Variants in EPB41 observed in about 807,000 individuals in gnomAD.
The protein encoded by EPB41 is protein 4.1.
EPB41 carries 65 observed loss-of-function variants against 108.0 expected under a neutral mutation model. That is an observed-to-expected ratio of 0.60 (90% CI 0.49 to 0.74). The LOEUF (loss-of-function observed/expected upper bound fraction) is 0.74, where lower values mean the gene tolerates loss of function less well. Among genes scored for constraint, EPB41 ranks in the 30% least tolerant of loss-of-function variants. The pLI is 0.00. For synonymous variants in EPB41, 336 were observed against 358.9 expected (o/e 0.94, Z 0.72); for missense variants, 875 against 1,037.0 (o/e 0.84, Z 2.15).
At chr1:29,075,532 C>G (rs1653659300) in intron 16 of EPB41, among the ~76,000 whole-genome samples, 1 of 152,074 alleles carries the variant, frequency 6.6e-6, no homozygotes, top group Non-Finnish European at 1.5e-5. Flanking sequence ...AACATAGAAT[C>G]CTGTTTTGGG....
chr1:28,982,316 CT>C, intron 1 of EPB41: 1 of 618,296 alleles, frequency 1.6e-6, no homozygotes, highest in East Asian at 3.5e-5. Context: ...TTGTTCTTGC[CT>C]GTCTTTTATC....
chr1:29,095,557 G>A (rs1343317058), intron 16 of EPB41, among the ~76,000 whole-genome samples: 1 of 152,124 alleles, frequency 6.6e-6, no homozygotes, highest in Non-Finnish European at 1.5e-5. Flanking sequence ...GATTATGAGA[G>A]GCCAGGAGTT....
At chr1:28,904,465 C>A (rs2091596463) in intron 1 of EPB41, among the ~76,000 whole-genome samples, 1 of 152,002 alleles carries the variant, frequency 6.6e-6, no homozygotes, top group Non-Finnish European at 1.5e-5. Context: ...ATCATTTGAC[C>A]CTTCTTCCTT....
intron 1 of EPB41, among the ~76,000 whole-genome samples, chr1:28,967,472 G>A (rs1361541620): frequency 6.6e-6 from 1 of 152,162 alleles, no homozygotes; most frequent in Non-Finnish European, 1.5e-5. Flanking sequence ...TTAAGGATCT[G>A]GGGATATTTA....
rs766243049 is a variant in EPB41, at chr1:29,058,639, A to G, written c.1896A>G (p.Gln632=). ...CAGTACCCACCTCAAATGGTGACCAAACACAGGTTTGTGCCAATAGGCCAC... is the reference window on the plus strand; with the variant it reads ...CAGTACCCACCTCAAATGGTGACCAGACACAGGTTTGTGCCAATAGGCCAC... ...EVTVPTSNGD[Q]TQKLAEKTED... Residue 632 remains glutamine (Q), a synonymous_variant, in exon 13 of 21, where the codon CAA becomes CAG. Transcript: ENST00000343067. 5 of 1,613,554 alleles carry G rather than the reference A, an allele frequency of 3.1e-6. No homozygotes were observed. The highest frequency in any genetic ancestry group is 4.5e-5 in the East Asian group (2 of 44,830).
intron 1 of EPB41, among the ~76,000 whole-genome samples, chr1:28,946,269 C>T (rs528778927): frequency 6.6e-6 from 1 of 151,852 alleles, no homozygotes; most frequent in East Asian, 1.9e-4. Flanking sequence ...AATTTCGGCT[C>T]ACTGCAACCT....
chr1:28,983,908 C>T (rs528336008), intron 1 of EPB41, among the ~76,000 whole-genome samples: 8 of 151,826 alleles, frequency 5.3e-5, no homozygotes, highest in East Asian at 3.9e-4. Context: ...ACATGGCTCC[C>T]GTGCTCTTGT....
intron 1 of EPB41, among the ~76,000 whole-genome samples, chr1:28,921,566 T>A (rs1464900905): frequency 2.0e-5 from 3 of 151,920 alleles, no homozygotes; most frequent in South Asian, 4.1e-4. Context: ...CTTTAAAAAA[T>A]TTTTTTTGCT....
At chr1:28,981,403 G>A (rs970470809) in intron 1 of EPB41, among the ~76,000 whole-genome samples, 1 of 152,184 alleles carries the variant, frequency 6.6e-6, no homozygotes, top group African/African-American at 2.4e-5. Flanking sequence ...TCTCTGAGGA[G>A]AGCCATGCTC....
intron 1 of EPB41, among the ~76,000 whole-genome samples, chr1:28,909,017 G>T (rs945823824): frequency 6.6e-6 from 1 of 151,498 alleles, no homozygotes; most frequent in African/African-American, 2.4e-5. Flanking sequence ...AAATTAGCTG[G>T]GCGTGGTGGC....
intron 1 of EPB41, among the ~76,000 whole-genome samples, chr1:28,962,250 G>A (rs1436704782): frequency 1.3e-5 from 2 of 151,904 alleles, no homozygotes; most frequent in Admixed American, 6.6e-5. Flanking sequence ...TAGTAGAGAC[G>A]GGGTTTCACC....
At chr1:29,007,198 C>T (rs1303236056) in intron 4 of EPB41, among the ~76,000 whole-genome samples, 1 of 151,950 alleles carries the variant, frequency 6.6e-6, no homozygotes, top group Non-Finnish European at 1.5e-5. Flanking sequence ...CTCAAGCGAT[C>T]CTCCTGCTTC....
chr1:28,940,582 G>A (rs1376314975), intron 1 of EPB41, among the ~76,000 whole-genome samples: 1 of 152,102 alleles, frequency 6.6e-6, no homozygotes, highest in Non-Finnish European at 1.5e-5. Flanking sequence ...AACCCGGGAG[G>A]CGGAGGTTGC....
At chr1:29,029,795 T>C (rs962908282) in intron 7 of EPB41, among the ~76,000 whole-genome samples, 2 of 152,202 alleles carry the variant, frequency 1.3e-5, no homozygotes, top group Non-Finnish European at 2.9e-5. Flanking sequence ...CCATTATCTA[T>C]GTGCTTCCGT....
chr1:29,057,148 G>A (rs1306201151), intron 12 of EPB41, among the ~76,000 whole-genome samples: 1 of 151,758 alleles, frequency 6.6e-6, no homozygotes, highest in Admixed American at 6.6e-5. Flanking sequence ...CGGCTGAGGC[G>A]GGCGGATCAC....
At position 28,987,883 on chromosome 1, in the gene EPB41, C is replaced by T. The variant is rs774634104; in HGVS notation, c.446C>T (p.Ser149Leu). The T allele has an allele frequency of 6.2e-7, 1 of 1,614,164 alleles. No individual in the cohort carries two copies. Among genetic ancestry groups the T allele is most frequent in the African/African-American group, 1.3e-5 (1 of 75,048 alleles). Residue 149 changes from serine (S) to leucine (L), a missense_variant, in exon 2 of 21, where the codon TCA becomes TTA. Physicochemically the swap from Ser to Leu is moderately radical, Grantham distance 145. Coordinates refer to ENST00000343067, the MANE Select transcript of EPB41 (RefSeq NM_001376013.1). ...LKTDPSLDLH[S>L]LSSAETQPAQ... Reference sequence around the variant, plus strand: ...ACAGACCCATCTTTGGATCTTCATTCATTAAGCAGTGCAGAAACACAGGTA... The same window carrying T: ...ACAGACCCATCTTTGGATCTTCATTTATTAAGCAGTGCAGAAACACAGGTA...
At chr1:29,012,153 G>T (rs1276119928) in intron 5 of EPB41, among the ~76,000 whole-genome samples, 2 of 151,936 alleles carry the variant, frequency 1.3e-5, no homozygotes, top group Non-Finnish European at 2.9e-5. Flanking sequence ...GGCAAAGTTG[G>T]GGAAGATAGG....
chr1:28,971,504 A>T (rs2095496332), intron 1 of EPB41, among the ~76,000 whole-genome samples: 1 of 152,126 alleles, frequency 6.6e-6, no homozygotes, highest in African/African-American at 2.4e-5. Context: ...CTTTAAACAA[A>T]ATTTTAACAC....
rs192756637 is a variant in EPB41 at position 29,110,969 on chromosome 1, C to A, written c.2416-1399C>A. Among the ~76,000 whole-genome samples the A allele has an allele frequency of 9.7e-4, 147 of 151,928 alleles. 1 individual carries two copies. The highest frequency in any genetic ancestry group is 3.4e-3 in the Middle Eastern group (1 of 292). The stretch of plus-strand genomic sequence containing the variant: ...ATCACCTGAGATCAGGAGTTCAAGA[C>A]CAGCCTGGCCAACATGGCGAAACCC... On this transcript the variant is annotated intron_variant, in intron 18 of 20. Transcript: ENST00000343067.
Sources: gnomAD v4.1 joint callset for allele counts (sites outside exome capture counted in the v4.1 genomes callset) on GRCh38, gnomAD v4.1.1 for gene constraint, MANE v1.5 for transcripts, NCBI Gene and HGNC (gene_info 2026-07-23, HGNC 2026-07-21) for gene names.